BACH2: variants seen among roughly 807,000 people sequenced by gnomAD.
The protein encoded by BACH2 is BACH transcriptional regulator 2, also known as transcription regulator protein BACH2.
A neutral mutation model predicts 61.8 loss-of-function variants in BACH2; 5 were observed. The ratio of observed to expected loss-of-function variants is 0.08; its 90% confidence interval spans 0.04 to 0.17. BACH2 has a LOEUF of 0.17. Among genes scored for constraint, BACH2 ranks in the 10% least tolerant of loss-of-function variants. The pLI is 1.00. For missense variants in BACH2, 824 were observed against 1,091.1 expected (o/e 0.76, Z 3.45); for synonymous variants, 446 against 440.1 (o/e 1.01, Z -0.17).
intron 5 of BACH2, among the ~76,000 whole-genome samples, chr6:90,073,991 G>C (rs1228748699): frequency 2.0e-5 from 3 of 152,232 alleles, no homozygotes; most frequent in Non-Finnish European, 4.4e-5. Flanking sequence ...AAGGAGGGAA[G>C]AGGTGCCGCA....
At chr6:90,152,120 A>G (rs1784831059) in intron 4 of BACH2, among the ~76,000 whole-genome samples, 1 of 152,226 alleles carries the variant, frequency 6.6e-6, no homozygotes, top group African/African-American at 2.4e-5. Context: ...ATGGCTTTAG[A>G]ATAAATCTCT....
chr6:90,277,794 T>C (rs1192994452), intron 1 of BACH2, among the ~76,000 whole-genome samples: 1 of 152,252 alleles, frequency 6.6e-6, no homozygotes, highest in African/African-American at 2.4e-5. Flanking sequence ...TTAGCTTCTC[T>C]GGCTTCCAGT....
chr6:90,228,982 G>A (rs182681327), intron 3 of BACH2, among the ~76,000 whole-genome samples: 87 of 152,276 alleles, frequency 5.7e-4, no homozygotes, highest in African/African-American at 2.0e-3. Flanking sequence ...CAGCTGAAAC[G>A]CAAGAGACAC....
chr6:90,022,873 C>A (rs1778450288), intron 5 of BACH2, among the ~76,000 whole-genome samples: 1 of 152,114 alleles, frequency 6.6e-6, no homozygotes, highest in Non-Finnish European at 1.5e-5. Flanking sequence ...CTAGGTTATA[C>A]CCTAGAGATA....
intron 4 of BACH2, among the ~76,000 whole-genome samples, chr6:90,203,240 A>T (rs1336872106): frequency 6.6e-6 from 1 of 151,114 alleles, no homozygotes. Context: ...GCGAAACCCC[A>T]TCTCTACAAA....
At chr6:90,162,677 A>T (rs1250081175) in intron 4 of BACH2, among the ~76,000 whole-genome samples, 1 of 152,184 alleles carries the variant, frequency 6.6e-6, no homozygotes, top group Non-Finnish European at 1.5e-5. Context: ...CAAAAAATTC[A>T]GACACCAGAG....
chr6:90,242,901 C>T (rs778920604), intron 3 of BACH2, among the ~76,000 whole-genome samples: 13 of 150,828 alleles, frequency 8.6e-5, no homozygotes, highest in African/African-American at 2.2e-4. Context: ...TTTTTTGAGG[C>T]GGAGTTTAGC....
chr6:90,272,638 C>G (rs1173986222), intron 1 of BACH2, among the ~76,000 whole-genome samples: 1 of 152,196 alleles, frequency 6.6e-6, no homozygotes, highest in East Asian at 1.9e-4. Flanking sequence ...ATTATCCTCC[C>G]AGCCAACCAA....
At chr6:89,989,517 T>C (rs1446640583) in intron 6 of BACH2, among the ~76,000 whole-genome samples, 1 of 152,024 alleles carries the variant, frequency 6.6e-6, no homozygotes, top group Admixed American at 6.6e-5. Flanking sequence ...CCCTTCTGCT[T>C]AGGTGGTGGC....
intron 4 of BACH2, among the ~76,000 whole-genome samples, chr6:90,127,549 A>C (rs1243033105): frequency 6.6e-6 from 1 of 152,124 alleles, no homozygotes; most frequent in South Asian, 2.1e-4. Flanking sequence ...AAAAACAATA[A>C]CCCTGCACTT....
chr6:90,136,723 TG>T (rs574103522), intron 4 of BACH2, among the ~76,000 whole-genome samples: 5 of 151,604 alleles, frequency 3.3e-5, no homozygotes, highest in South Asian at 2.1e-4. Flanking sequence ...CAGATTAAGA[TG>T]AAAAAAAGGC....
Position 90,065,299 on chromosome 6 carries a change from T to TTTA in BACH2, c.-13+23661_-13+23662insTAA, listed in dbSNP as rs1491173989. ...TTTTTTTTTTTTTTTTTTTTTTTTT[T>TTTA]ACCCCTGAGGGCATCATATAAAGAA... On this transcript the variant is annotated intron_variant, in intron 5 of 8. Transcript: ENST00000257749. Among the ~76,000 whole-genome samples the TTTA allele has an allele frequency of 8.7e-5, 8 of 92,114 alleles. 1 individual carries two copies. The highest frequency in any genetic ancestry group is 1.6e-4 in the Non-Finnish European group (6 of 38,668). 60.4% of individuals were successfully genotyped at this position (92,114 alleles called of 152,430 possible). A position where few individuals can be genotyped will look rare whatever the true frequency, so the allele number is the denominator to read the frequency against.
At chr6:89,999,527 C>T (rs964952041) in intron 6 of BACH2, among the ~76,000 whole-genome samples, 1 of 151,494 alleles carries the variant, frequency 6.6e-6, no homozygotes, top group Non-Finnish European at 1.5e-5. Flanking sequence ...CTCACAAGTG[C>T]TATTTAAATT....
intron 7 of BACH2, among the ~76,000 whole-genome samples, chr6:89,940,201 G>A (rs527499006): frequency 2.0e-5 from 3 of 151,782 alleles, no homozygotes; most frequent in South Asian, 2.1e-4. Context: ...GTAGAGATGC[G>A]GTTTTGCCAT....
At chr6:90,083,217 T>C (rs933746907) in intron 5 of BACH2, among the ~76,000 whole-genome samples, 2 of 152,172 alleles carry the variant, frequency 1.3e-5, no homozygotes, top group African/African-American at 4.8e-5. Flanking sequence ...ACACAAACCA[T>C]TTCTTAAAAA....
At chr6:90,264,567 T>C (rs917871754) in intron 2 of BACH2, among the ~76,000 whole-genome samples, 10 of 152,316 alleles carry the variant, frequency 6.6e-5, no homozygotes, top group African/African-American at 2.4e-4. Flanking sequence ...TTCTTGAGCA[T>C]CACATATCCA....
At position 89,950,710 on chromosome 6, in the gene BACH2, G is replaced by T; in HGVS notation, c.1396C>A (p.Leu466Met). Reference sequence around the variant, plus strand: ...AGGGACTGGCCGGCTCCCACCCACAGACCCTTTGGCACCGGCTCAGAGAGG... The same window carrying T: ...AGGGACTGGCCGGCTCCCACCCACATACCCTTTGGCACCGGCTCAGAGAGG... ...KDLSEPVPKG[L>M]WVGAGQSLPS... The change falls in exon 7 of 9, where the codon CTG becomes ATG. Residue 466 changes from leucine (L) to methionine (M), a missense_variant. Physicochemically the swap from Leu to Met is conservative, Grantham distance 15. This residue lies in a region of BACH2 where 102 missense variants were observed against 98.1 expected (regional missense o/e 1.04). Transcript: ENST00000257749. This position sits in a 1 kb window ranked among gnomAD's most constrained non-coding sequence, Gnocchi z 5.3. 1 of 1,614,178 alleles carries T rather than the reference G, an allele frequency of 6.2e-7. No individual in the cohort carries two copies. The highest frequency in any genetic ancestry group is 8.5e-7 in the Non-Finnish European group (1 of 1,180,034).
intron 5 of BACH2, among the ~76,000 whole-genome samples, chr6:90,013,466 T>TCCCTC (rs1227859028): frequency 2.0e-5 from 3 of 151,516 alleles, no homozygotes; most frequent in Non-Finnish European, 4.4e-5. Flanking sequence ...TCCCCTTCCT[T>TCCCTC]CCCTCCCCTC....
intron 4 of BACH2, chr6:90,104,304 G>C (rs1242164276): frequency 2.6e-5 from 4 of 152,256 alleles, no homozygotes; most frequent in African/African-American, 9.7e-5. Context: ...GAACCAACAA[G>C]AGGACTTCAG....
Sources: gnomAD v4.1 joint callset for allele counts (sites outside exome capture counted in the v4.1 genomes callset) on GRCh38, gnomAD v4.1.1 for gene constraint, gnomAD v4.1.1 regional missense constraint, Gnocchi (gnomAD v3.1) non-coding constraint, MANE v1.5 for transcripts, NCBI Gene and HGNC (gene_info 2026-07-23, HGNC 2026-07-21) for gene names.